The following STK32B variants were observed in gnomAD, a reference collection of about 807,000 sequenced individuals.
STK32B encodes the protein serine/threonine kinase 32B, also known as serine/threonine-protein kinase 32B.
Under a neutral mutation model 52.6 loss-of-function variants are expected in STK32B, and 43 were observed. That is an observed-to-expected ratio of 0.82 (90% CI 0.64 to 1.05). The LOEUF is 1.05. STK32B is among the 50% of genes least tolerant of loss of function. The pLI, the probability that STK32B is intolerant of heterozygous loss-of-function variation, is 0.00. For synonymous variants in STK32B, 238 were observed against 204.3 expected, an observed-to-expected ratio of 1.17 and a Z score of -1.41; for missense variants, 621 against 534.6, an observed-to-expected ratio of 1.16 and a Z score of -1.59.
intron 3 of STK32B, among the ~76,000 whole-genome samples, chr4:5,181,554 G>A (rs942523460): frequency 2.0e-5 from 3 of 152,098 alleles, no homozygotes; most frequent in East Asian, 3.9e-4. Context: ...GGCATACGTC[G>A]GAAATATTGC....
rs1024210660 is a variant in STK32B at position 5,467,388 on chromosome 4, G to A, written c.1041+554G>A. The stretch of plus-strand genomic sequence containing the variant: ...CGGCCCCCTTGTCCTTCGCTGGCTC[G>A]CAGCTGCATGGTTCCAGTCTCTCCC... On this transcript the variant is annotated intron_variant, in intron 10 of 11. Coordinates refer to ENST00000282908, the MANE Select transcript of STK32B (RefSeq NM_018401.3). This position sits in a 1 kb window ranked among gnomAD's most constrained non-coding sequence, Gnocchi z 5.8. Among the ~76,000 whole-genome samples, 22 of 152,198 alleles carry A rather than the reference G, an allele frequency of 1.4e-4. No homozygotes were observed. The highest frequency in any genetic ancestry group is 2.4e-4 in the African/African-American group (10 of 41,548).
intron 3 of STK32B, among the ~76,000 whole-genome samples, chr4:5,286,266 C>T (rs949272194): frequency 6.6e-6 from 1 of 152,208 alleles, no homozygotes; most frequent in South Asian, 2.1e-4. Flanking sequence ...AGCCACAAAA[C>T]TAGACTTCTC....
At chr4:5,073,804 A>G (rs1041367211) in intron 1 of STK32B, among the ~76,000 whole-genome samples, 3 of 152,016 alleles carry the variant, frequency 2.0e-5, no homozygotes, top group Admixed American at 6.6e-5. Context: ...TCATTCCATT[A>G]TCTCCTTGAC....
At chr4:5,230,103 C>G (rs1724148891) in intron 3 of STK32B, among the ~76,000 whole-genome samples, 1 of 150,344 alleles carries the variant, frequency 6.7e-6, no homozygotes, top group Non-Finnish European at 1.5e-5. Context: ...TCAAGTGATT[C>G]TCCTGCCTCA....
At chr4:5,362,741 G>T (rs2109000815) in intron 4 of STK32B, among the ~76,000 whole-genome samples, 1 of 152,274 alleles carries the variant, frequency 6.6e-6, no homozygotes, top group Non-Finnish European at 1.5e-5. Flanking sequence ...GAAGGCTGGG[G>T]TGAATACCCT....
the STK32B span, among the ~76,000 whole-genome samples, chr4:5,033,187 G>A: frequency 3.9e-5 from 6 of 152,180 alleles, no homozygotes; most frequent in Admixed American, 2.6e-4. Flanking sequence ...GGAAGAGAAC[G>A]CTGGCGGAAT....
At chr4:5,320,240 C>T (rs567706924) in intron 3 of STK32B, among the ~76,000 whole-genome samples, 1 of 152,210 alleles carries the variant, frequency 6.6e-6, no homozygotes, top group East Asian at 1.9e-4. Flanking sequence ...TGAATGATTC[C>T]CCCTCCCATG....
At chr4:5,291,387 A>G (rs1312014855) in intron 3 of STK32B, among the ~76,000 whole-genome samples, 1 of 152,096 alleles carries the variant, frequency 6.6e-6, no homozygotes, top group Non-Finnish European at 1.5e-5. Flanking sequence ...CACCAAATGT[A>G]TTTATAAGAA....
chr4:5,444,240 A>G (rs993287502), intron 6 of STK32B, among the ~76,000 whole-genome samples: 15 of 152,192 alleles, frequency 9.9e-5, no homozygotes, highest in Admixed American at 7.8e-4. Flanking sequence ...CTGCTGTGCT[A>G]GCAATCAGCG....
chr4:5,477,920 C>T (rs1455421583), intron 11 of STK32B, among the ~76,000 whole-genome samples: 2 of 152,268 alleles, frequency 1.3e-5, no homozygotes, highest in Non-Finnish European at 2.9e-5. Context: ...TCCAGTGCCC[C>T]CACCCACACC....
intron 4 of STK32B, among the ~76,000 whole-genome samples, chr4:5,387,389 C>G (rs1018211436): frequency 6.6e-6 from 1 of 152,200 alleles, no homozygotes; most frequent in Non-Finnish European, 1.5e-5. Flanking sequence ...GTCAGATAAT[C>G]ACACAAGCAC....
chr4:5,457,910 AGGGAGAGAGGAAGGAAGGAG>A lies in STK32B; in HGVS notation c.783+990_783+1009del, dbSNP rs1234869797. ...GCGGAAGGGAGGGAGGGAGGGATGG[AGGGAGAGAGGAAGGAAGGAG>A]GGAGGGAGGGAAGGAAGGAAGGAAG... On this transcript the variant is annotated intron_variant, in intron 8 of 11. Transcript: ENST00000282908. Among the ~76,000 whole-genome samples, 58 of 143,792 alleles carry A rather than the reference AGGGAGAGAGGAAGGAAGGAG, an allele frequency of 4.0e-4. 1 individual carries two copies. In the Middle Eastern group the frequency reaches 0.018, roughly 44 times the overall value. 94.3% of individuals were successfully genotyped at this position (143,792 alleles called of 152,430 possible).
intron 1 of STK32B, among the ~76,000 whole-genome samples, chr4:5,074,692 A>T (rs1711976212): frequency 6.6e-6 from 1 of 152,052 alleles, no homozygotes; most frequent in East Asian, 1.9e-4. Flanking sequence ...ATATTACGCT[A>T]TTTTATTCAA....
chr4:5,444,447 G>T (rs1232474762), intron 6 of STK32B, among the ~76,000 whole-genome samples: 6 of 152,196 alleles, frequency 3.9e-5, no homozygotes, highest in Admixed American at 3.9e-4. Flanking sequence ...GCAATGCCTC[G>T]CCCTGCTTTG....
chr4:5,063,370 T>C (rs144472207), intron 1 of STK32B, among the ~76,000 whole-genome samples: 105 of 151,952 alleles, frequency 6.9e-4, no homozygotes, highest in African/African-American at 2.4e-3. Flanking sequence ...CTTGAGAGAG[T>C]CTCGCTCTGT....
chr4:5,251,660 T>C (rs185198799), intron 3 of STK32B, among the ~76,000 whole-genome samples: 9 of 152,324 alleles, frequency 5.9e-5, no homozygotes, highest in South Asian at 2.1e-4. Flanking sequence ...CTGTAAACTT[T>C]TGAGCAGTAT....
At chr4:5,496,288 G>A (rs909501898) in intron 11 of STK32B, among the ~76,000 whole-genome samples, 14 of 152,184 alleles carry the variant, frequency 9.2e-5, no homozygotes, top group Non-Finnish European at 2.1e-4. Context: ...AATGGCGGGC[G>A]CCCCTCCACC....
chr4:5,145,496 C>A (rs772357125), intron 2 of STK32B, among the ~76,000 whole-genome samples: 1 of 152,162 alleles, frequency 6.6e-6, no homozygotes, highest in Non-Finnish European at 1.5e-5. Flanking sequence ...CCTCTTGACC[C>A]TTTACTGTCA....
At chr4:5,170,357 G>A (rs948356199) in intron 3 of STK32B, among the ~76,000 whole-genome samples, 6 of 151,846 alleles carry the variant, frequency 4.0e-5, no homozygotes, top group South Asian at 2.1e-4. Flanking sequence ...TGTGCACAAC[G>A]TGCAGGTTTG....
Sources: allele counts gnomAD v4.1 joint callset (sites outside exome capture counted in the v4.1 genomes callset), GRCh38; gene constraint gnomAD v4.1.1; non-coding constraint Gnocchi (gnomAD v3.1); transcripts MANE v1.5; gene names NCBI Gene and HGNC (gene_info 2026-07-23, HGNC 2026-07-21).